MAGI2: variants seen among roughly 807,000 people sequenced by gnomAD.
MAGI2 encodes membrane-associated guanylate kinase, WW and PDZ domain-containing protein 2.
MAGI2 carries 35 observed loss-of-function variants against 133.3 expected under a neutral mutation model. The ratio of observed to expected loss-of-function variants is 0.26; its 90% CI spans 0.20 to 0.35. The LOEUF (loss-of-function observed/expected upper bound fraction) is 0.35. MAGI2 is among the 10% of genes least tolerant of loss of function. MAGI2 has a pLI of 1.00. For missense variants in MAGI2, 1,636 were observed against 1,863.4 expected, an observed-to-expected ratio of 0.88 and a Z score of 2.25; for synonymous variants, 729 against 710.6, an observed-to-expected ratio of 1.03 and a Z score of -0.41.
At chr7:78,547,520 T>C (rs1798951834) in intron 3 of MAGI2, among the ~76,000 whole-genome samples, 1 of 152,262 alleles carries the variant, frequency 6.6e-6, no homozygotes, top group South Asian at 2.1e-4. Flanking sequence ...TCTTCATTCA[T>C]TCATTCGTTC....
intron 2 of MAGI2, among the ~76,000 whole-genome samples, chr7:78,722,626 T>C (rs1331716702): frequency 6.6e-6 from 1 of 152,064 alleles, no homozygotes; most frequent in African/African-American, 2.4e-5. Flanking sequence ...AATACCACAA[T>C]GGCAAAACAT....
intron 1 of MAGI2, among the ~76,000 whole-genome samples, chr7:79,395,924 A>G (rs1845014378): frequency 6.6e-6 from 1 of 152,186 alleles, no homozygotes; most frequent in Non-Finnish European, 1.5e-5. Flanking sequence ...ACATGAATAT[A>G]TAGATATTGC....
chr7:78,482,095 C>T (rs558288137), intron 6 of MAGI2, among the ~76,000 whole-genome samples: 1 of 151,932 alleles, frequency 6.6e-6, no homozygotes, highest in Admixed American at 6.6e-5. Context: ...AAGACATGAT[C>T]AGATTTGCCA....
At chr7:79,084,161 T>A (rs1329854611) in intron 1 of MAGI2, among the ~76,000 whole-genome samples, 1 of 151,708 alleles carries the variant, frequency 6.6e-6, no homozygotes, top group Non-Finnish European at 1.5e-5. Context: ...TTATTTGCAC[T>A]CTAATGTTCA....
intron 1 of MAGI2, among the ~76,000 whole-genome samples, chr7:79,112,325 GT>G (rs1819001658): frequency 6.6e-6 from 1 of 152,108 alleles, no homozygotes. Context: ...GTGAAAGTCT[GT>G]CTCTGGAACA....
chr7:79,121,303 C>T (rs1016023673), intron 1 of MAGI2, among the ~76,000 whole-genome samples: 8 of 152,186 alleles, frequency 5.3e-5, no homozygotes, highest in African/African-American at 1.9e-4. Context: ...CTTTTGAGAG[C>T]CCATCCTTCT....
intron 2 of MAGI2, among the ~76,000 whole-genome samples, chr7:78,704,782 T>TTTTTTTCTCC (rs1554535275): frequency 1.4e-5 from 2 of 143,436 alleles, no homozygotes; most frequent in African/African-American, 5.4e-5. Context: ...ATTATTCTTT[T>TTTTTTTCTCC]TTTTTTTTTT....
intron 2 of MAGI2, among the ~76,000 whole-genome samples, chr7:78,760,361 C>CTTT (rs71085562): frequency 0.016 from 1,962 of 124,580 alleles, 71 homozygotes; most frequent in African/African-American, 0.057. Context: ...TTAATTCTCT[C>CTTT]TTTTTTTTTT....
chr7:78,804,057 C>T (rs1011717542), intron 2 of MAGI2, among the ~76,000 whole-genome samples: 1 of 152,198 alleles, frequency 6.6e-6, no homozygotes, highest in African/African-American at 2.4e-5. Flanking sequence ...TATTGCATTT[C>T]TCACTGCATT....
chr7:79,216,024 A>T (rs1196135367), intron 1 of MAGI2, among the ~76,000 whole-genome samples: 1 of 151,954 alleles, frequency 6.6e-6, no homozygotes, highest in Non-Finnish European at 1.5e-5. Flanking sequence ...AAATGGGAAC[A>T]GACATTCCTG....
At chr7:79,209,935 T>C (rs1475932576) in intron 1 of MAGI2, among the ~76,000 whole-genome samples, 1 of 152,058 alleles carries the variant, frequency 6.6e-6, no homozygotes, top group Non-Finnish European at 1.5e-5. Context: ...CTCTATTTTA[T>C]TTTTATTTAT....
At chr7:78,902,060 T>G (rs1163182072) in intron 2 of MAGI2, among the ~76,000 whole-genome samples, 2 of 152,194 alleles carry the variant, frequency 1.3e-5, no homozygotes, top group South Asian at 2.1e-4. Flanking sequence ...AGAGAAATCA[T>G]GGGAATTATT....
intron 3 of MAGI2, among the ~76,000 whole-genome samples, chr7:78,626,834 GT>G (rs1563261824): frequency 6.3e-5 from 2 of 31,908 alleles, no homozygotes; most frequent in Admixed American, 3.8e-4. Context: ...CAATGTGTGT[GT>G]GTGTGTGTGT....
At chr7:78,536,740 T>G (rs1032873902) in intron 3 of MAGI2, among the ~76,000 whole-genome samples, 1 of 140,456 alleles carries the variant, frequency 7.1e-6, no homozygotes, top group African/African-American at 2.6e-5. Flanking sequence ...TCAATAGTTT[T>G]TTTTTTGTTT....
chr7:78,261,139 C>T (rs1793478827), intron 9 of MAGI2, among the ~76,000 whole-genome samples: 1 of 152,102 alleles, frequency 6.6e-6, no homozygotes, highest in Non-Finnish European at 1.5e-5. Context: ...TCTCATCTTA[C>T]AGTCTACTCC....
intron 20 of MAGI2, among the ~76,000 whole-genome samples, chr7:78,094,032 A>G (rs1441960970): frequency 1.3e-5 from 2 of 152,218 alleles, no homozygotes; most frequent in East Asian, 1.9e-4. Context: ...ATTCATATAT[A>G]TATTTTTTCC....
At chr7:78,389,883 G>T (rs956040870) in intron 6 of MAGI2, among the ~76,000 whole-genome samples, 1 of 152,264 alleles carries the variant, frequency 6.6e-6, no homozygotes, top group Non-Finnish European at 1.5e-5. Flanking sequence ...AACCATTAAA[G>T]GTTTAGTTAC....
intron 20 of MAGI2, among the ~76,000 whole-genome samples, chr7:78,105,236 C>G (rs1451434560): frequency 6.6e-6 from 1 of 152,144 alleles, no homozygotes; most frequent in African/African-American, 2.4e-5. Context: ...TAAATACTAA[C>G]TTAAGTAACC....
intron 13 of MAGI2, among the ~76,000 whole-genome samples, chr7:78,178,897 A>G (rs1011619545): frequency 6.6e-6 from 1 of 152,214 alleles, no homozygotes; most frequent in South Asian, 2.1e-4. Context: ...ACACAGTTGT[A>G]TTTCAAAATA....
Sources: gnomAD v4.1 joint callset for allele counts (sites outside exome capture counted in the v4.1 genomes callset) on GRCh38, gnomAD v4.1.1 for gene constraint, MANE v1.5 for transcripts, NCBI Gene and HGNC (gene_info 2026-07-23, HGNC 2026-07-21) for gene names.